The following CNTNAP2 variants were observed in gnomAD, a reference collection of about 807,000 sequenced individuals.
CNTNAP2 encodes contactin-associated protein-like 2.
In CNTNAP2, 98 loss-of-function variants were observed where a neutral mutation model predicts 155.2. The observed-to-expected ratio is 0.63, with a 90% CI of 0.54 to 0.75. The LOEUF is 0.75. Ranked by LOEUF, CNTNAP2 falls within the 30% of genes least tolerant of loss-of-function variation. CNTNAP2 has a pLI of 0.00. For missense variants in CNTNAP2, 1,727 were observed against 1,688.1 expected, an observed-to-expected ratio of 1.02 and a Z score of -0.40; for synonymous variants, 651 against 631.2, an observed-to-expected ratio of 1.03 and a Z score of -0.47.
At chr7:146,321,033 C>T (rs1563037139) in intron 1 of CNTNAP2, among the ~76,000 whole-genome samples, 1 of 151,952 alleles carries the variant, frequency 6.6e-6, no homozygotes, top group Non-Finnish European at 1.5e-5. Context: ...AACAGACTAA[C>T]AGACCAATTT....
chr7:147,096,793 G>A (rs1441666019), intron 4 of CNTNAP2, among the ~76,000 whole-genome samples: 2 of 152,154 alleles, frequency 1.3e-5, no homozygotes, highest in Admixed American at 1.3e-4. Flanking sequence ...ATGAAGTAAT[G>A]GACAGCACCC....
At chr7:146,596,438 G>T (rs914945580) in intron 1 of CNTNAP2, among the ~76,000 whole-genome samples, 2 of 151,924 alleles carry the variant, frequency 1.3e-5, no homozygotes, top group African/African-American at 2.4e-5. Context: ...ATCGTGATTA[G>T]AAGAGTGCAT....
chr7:147,706,311 G>A (rs1441868458), intron 13 of CNTNAP2, among the ~76,000 whole-genome samples: 5 of 151,430 alleles, frequency 3.3e-5, no homozygotes, highest in Non-Finnish European at 5.9e-5. Flanking sequence ...ATTTCTTATA[G>A]GACCAGGCTA....
At chr7:148,209,631 C>A (rs971699542) in intron 18 of CNTNAP2, among the ~76,000 whole-genome samples, 1 of 152,214 alleles carries the variant, frequency 6.6e-6, no homozygotes, top group Non-Finnish European at 1.5e-5. Context: ...TATATTTATT[C>A]TGTCCCATTG....
chr7:147,136,810 A>G (rs1230902245), intron 8 of CNTNAP2, among the ~76,000 whole-genome samples: 3 of 151,930 alleles, frequency 2.0e-5, no homozygotes, highest in Admixed American at 2.0e-4. Context: ...TTTGAAATAC[A>G]ATTTTTGATG....
chr7:148,024,435 T>C (rs1802342593), intron 15 of CNTNAP2, among the ~76,000 whole-genome samples: 2 of 152,172 alleles, frequency 1.3e-5, no homozygotes, highest in African/African-American at 4.8e-5. Context: ...GGAAACACAG[T>C]GTCTCCAAAT....
intron 16 of CNTNAP2, among the ~76,000 whole-genome samples, chr7:148,143,281 T>C (rs1023914180): frequency 1.3e-5 from 2 of 152,206 alleles, no homozygotes; most frequent in Non-Finnish European, 2.9e-5. Context: ...TGAGGCTCTA[T>C]ATCAGTTAAG....
chr7:148,179,560 A>C (rs937045304), intron 18 of CNTNAP2, among the ~76,000 whole-genome samples: 3 of 129,616 alleles, frequency 2.3e-5, no homozygotes, highest in African/African-American at 8.6e-5. Flanking sequence ...AGAGAGGGAG[A>C]GAGAGGGAGA....
intron 14 of CNTNAP2, among the ~76,000 whole-genome samples, chr7:147,913,906 T>A (rs1449453539): frequency 6.6e-6 from 1 of 152,216 alleles, no homozygotes; most frequent in Non-Finnish European, 1.5e-5. Context: ...TAGGAATGTA[T>A]GACTGAGGTT....
At chr7:146,648,361 C>T (rs1287474670) in intron 1 of CNTNAP2, among the ~76,000 whole-genome samples, 1 of 152,046 alleles carries the variant, frequency 6.6e-6, no homozygotes, top group African/African-American at 2.4e-5. Flanking sequence ...AATGACTTTT[C>T]TCTTTGTAGT....
intron 4 of CNTNAP2, among the ~76,000 whole-genome samples, chr7:147,105,785 T>A (rs1327765899): frequency 6.6e-6 from 1 of 152,054 alleles, no homozygotes; most frequent in Non-Finnish European, 1.5e-5. Context: ...GGAAAATATG[T>A]TGAAACTTTT....
At chr7:148,087,181 A>G (rs1803750073) in intron 15 of CNTNAP2, among the ~76,000 whole-genome samples, 1 of 152,018 alleles carries the variant, frequency 6.6e-6, no homozygotes, top group Admixed American at 6.6e-5. Flanking sequence ...ATAAAATGCT[A>G]GTCTTCATTC....
At chr7:147,318,669 TG>T (rs1795283039) in intron 9 of CNTNAP2, among the ~76,000 whole-genome samples, 1 of 147,798 alleles carries the variant, frequency 6.8e-6, no homozygotes, top group African/African-American at 2.5e-5. Flanking sequence ...TATCGGGAGG[TG>T]GGGGGCAAGG....
intron 10 of CNTNAP2, among the ~76,000 whole-genome samples, chr7:147,476,179 C>T (rs1470656933): frequency 1.3e-5 from 2 of 152,066 alleles, no homozygotes; most frequent in Non-Finnish European, 2.9e-5. Flanking sequence ...GATCTCGGCT[C>T]ACTGCAATCT....
chr7:146,432,835 A>G (rs1015838705), intron 1 of CNTNAP2, among the ~76,000 whole-genome samples: 3 of 152,196 alleles, frequency 2.0e-5, no homozygotes, highest in African/African-American at 7.2e-5. Context: ...TTGGTCTCAT[A>G]AGAATCAAAG....
intron 12 of CNTNAP2, among the ~76,000 whole-genome samples, chr7:147,591,327 G>A (rs1172716311): frequency 1.3e-5 from 2 of 152,100 alleles, no homozygotes; most frequent in Admixed American, 1.3e-4. Context: ...CTTGGCAGAT[G>A]ACAGCTTTCT....
intron 4 of CNTNAP2, among the ~76,000 whole-genome samples, chr7:147,058,711 A>G (rs1799608404): frequency 6.6e-6 from 1 of 152,054 alleles, no homozygotes; most frequent in African/African-American, 2.4e-5. Flanking sequence ...GGTTCAAGTG[A>G]TTCTCTTGCC....
At chr7:146,787,317 G>C (rs1445570159) in intron 2 of CNTNAP2, among the ~76,000 whole-genome samples, 3 of 152,064 alleles carry the variant, frequency 2.0e-5, no homozygotes, top group Admixed American at 6.6e-5. Context: ...ATGAAGCTAC[G>C]GACCCTTGCG....
chr7:147,028,991 T>C (rs939422089), intron 3 of CNTNAP2, among the ~76,000 whole-genome samples: 1 of 123,224 alleles, frequency 8.1e-6, no homozygotes, highest in Non-Finnish European at 1.6e-5. Context: ...TGAGACGGAG[T>C]CTCGCTCTGT....
Sources: gnomAD v4.1 joint callset for allele counts (sites outside exome capture counted in the v4.1 genomes callset) on GRCh38, gnomAD v4.1.1 for gene constraint, MANE v1.5 for transcripts, NCBI Gene and HGNC (gene_info 2026-07-23, HGNC 2026-07-21) for gene names.